The following ROBO2 variants were observed in gnomAD, a reference collection of about 807,000 sequenced individuals.
ROBO2 encodes the protein roundabout guidance receptor 2, also known as roundabout homolog 2.
In ROBO2, 53 loss-of-function variants were observed where a neutral mutation model predicts 160.8. The ratio of observed to expected loss-of-function variants is 0.33; its 90% CI spans 0.26 to 0.41. The LOEUF (loss-of-function observed/expected upper bound fraction) is 0.41, where lower values mean the gene tolerates loss of function less well. ROBO2 is among the 10% of genes least tolerant of loss of function. The probability of loss-of-function intolerance (pLI) is 1.00; values close to 1 mark genes in which losing one functional copy is unlikely to be tolerated. For missense variants in ROBO2, 1,577 were observed against 1,722.4 expected, an observed-to-expected ratio of 0.92 and a Z score of 1.49; for synonymous variants, 664 against 611.7, an observed-to-expected ratio of 1.09 and a Z score of -1.26.
At chr3:77,172,394 T>A (rs2079724766) in intron 2 of ROBO2, among the ~76,000 whole-genome samples, 1 of 152,248 alleles carries the variant, frequency 6.6e-6, no homozygotes, top group South Asian at 2.1e-4. Context: ...TTTTCTTAAA[T>A]GTCTTTTCTG....
At chr3:77,366,893 A>ACCC (rs145545683) in intron 2 of ROBO2, among the ~76,000 whole-genome samples, 34,231 of 140,596 alleles carry the variant, frequency 0.24, 4,437 homozygotes, top group East Asian at 0.48. Flanking sequence ...CTCTCACAGC[A>ACCC]CCCCCCCGAC....
chr3:77,510,629 CATTAAGTTCTT>C (rs1387365261), intron 5 of ROBO2, among the ~76,000 whole-genome samples: 1 of 152,014 alleles, frequency 6.6e-6, no homozygotes, highest in African/African-American at 2.4e-5. Context: ...TGTATTGAGT[CATTAAGTTCTT>C]ATAACAGCCC....
intron 12 of ROBO2, 140 bp downstream of exon 13, chr3:77,565,260 A>G: frequency 2.0e-6 from 2 of 1,019,286 alleles, no homozygotes; most frequent in South Asian, 1.3e-5. Flanking sequence ...GGGAAGGAGA[A>G]GGTAGCTTGC....
chr3:76,403,729 G>C (rs996980460), intron 2 of ROBO2, among the ~76,000 whole-genome samples: 2 of 151,612 alleles, frequency 1.3e-5, no homozygotes, highest in Non-Finnish European at 3.0e-5. Context: ...GTTGTATTGA[G>C]GGGGAGTGAT....
chr3:76,617,829 G>T (rs191292680), intron 2 of ROBO2, among the ~76,000 whole-genome samples: 1 of 150,752 alleles, frequency 6.6e-6, no homozygotes, highest in Admixed American at 6.6e-5. Flanking sequence ...TAGTCATGGT[G>T]GAAGGCACTT....
chr3:76,492,561 G>GAAA (rs11358306), intron 2 of ROBO2, among the ~76,000 whole-genome samples: 4 of 149,940 alleles, frequency 2.7e-5, no homozygotes, highest in Non-Finnish European at 5.9e-5. Context: ...AGTGCATAAA[G>GAAA]AAAAAAAAAA....
At chr3:77,584,877 G>GTT (rs1014245777) in intron 16 of ROBO2, among the ~76,000 whole-genome samples, 5 of 126,350 alleles carry the variant, frequency 4.0e-5, no homozygotes, top group East Asian at 2.5e-4. Flanking sequence ...CACTTAAGAA[G>GTT]TTATATATAT....
At chr3:76,338,637 G>C (rs36039907) in intron 2 of ROBO2, among the ~76,000 whole-genome samples, 129,826 of 151,638 alleles carry the variant, frequency 0.86, 57,243 homozygotes, top group Non-Finnish European at 0.98. Flanking sequence ...GATTGCCCCA[G>C]TATGCCCCAG....
At chr3:76,215,351 T>C (rs1703437230) in intron 2 of ROBO2, among the ~76,000 whole-genome samples, 1 of 151,870 alleles carries the variant, frequency 6.6e-6, no homozygotes, top group Admixed American at 6.6e-5. Context: ...CTTCAGAAGA[T>C]CAAACTACTC....
intron 20 of ROBO2, among the ~76,000 whole-genome samples, chr3:77,605,062 A>G (rs957592786): frequency 6.6e-6 from 1 of 151,298 alleles, no homozygotes; most frequent in Non-Finnish European, 1.5e-5. Flanking sequence ...GCTACTTGAG[A>G]GTCTGGGGTA....
intron 2 of ROBO2, among the ~76,000 whole-genome samples, chr3:76,809,885 G>C (rs1326656468): frequency 2.0e-5 from 3 of 151,876 alleles, no homozygotes; most frequent in East Asian, 3.9e-4. Context: ...ATTGACACTA[G>C]AGAACAGGAC....
intron 2 of ROBO2, among the ~76,000 whole-genome samples, chr3:76,400,779 C>T (rs1330600847): frequency 2.6e-5 from 4 of 151,520 alleles, no homozygotes; most frequent in Non-Finnish European, 5.9e-5. Context: ...TACTTATCAT[C>T]ATTAGAATTG....
intron 2 of ROBO2, among the ~76,000 whole-genome samples, chr3:77,229,340 C>G (rs2086874185): frequency 6.6e-6 from 1 of 151,990 alleles, no homozygotes; most frequent in African/African-American, 2.4e-5. Context: ...AATATTATTA[C>G]TATACTATGA....
At chr3:77,210,135 T>C (rs186276101) in intron 2 of ROBO2, among the ~76,000 whole-genome samples, 57 of 151,942 alleles carry the variant, frequency 3.8e-4, no homozygotes, top group Admixed American at 2.6e-3. Context: ...AGCAGCATCC[T>C]GCACAGACAT....
At chr3:76,400,496 G>T (rs2077751189) in intron 2 of ROBO2, among the ~76,000 whole-genome samples, 1 of 151,418 alleles carries the variant, frequency 6.6e-6, no homozygotes, top group African/African-American at 2.4e-5. Flanking sequence ...TATTGGTTTG[G>T]ACACTGAAAT....
intron 2 of ROBO2, among the ~76,000 whole-genome samples, chr3:75,979,685 A>G (rs1158471541): frequency 6.6e-6 from 1 of 151,564 alleles, no homozygotes; most frequent in Admixed American, 6.6e-5. Flanking sequence ...TTCAATGTCT[A>G]TATAAACTTC....
chr3:76,780,664 T>C (rs1348924692), intron 2 of ROBO2, among the ~76,000 whole-genome samples: 1 of 150,850 alleles, frequency 6.6e-6, no homozygotes, highest in Non-Finnish European at 1.5e-5. Context: ...ATCTAATTTT[T>C]CCAACACCAT....
At chr3:76,737,886 C>T (rs2107980781) in intron 2 of ROBO2, among the ~76,000 whole-genome samples, 1 of 152,230 alleles carries the variant, frequency 6.6e-6, no homozygotes, top group African/African-American at 2.4e-5. Context: ...GTGGCTCACA[C>T]CTGTAATTCC....
chr3:76,723,714 A>T (rs2093501737), intron 2 of ROBO2, among the ~76,000 whole-genome samples: 1 of 152,212 alleles, frequency 6.6e-6, no homozygotes, highest in Non-Finnish European at 1.5e-5. Context: ...TGACTGGTGG[A>T]CACACTTTTC....
Sources: gnomAD v4.1 joint callset for allele counts (sites outside exome capture counted in the v4.1 genomes callset) on GRCh38, gnomAD v4.1.1 for gene constraint, MANE v1.5 for transcripts, NCBI Gene and HGNC (gene_info 2026-07-23, HGNC 2026-07-21) for gene names.